The following WNK2 variants were observed in gnomAD, a reference collection of about 807,000 sequenced individuals.
WNK2 encodes the protein serine/threonine-protein kinase WNK2.
WNK2 carries 67 observed loss-of-function variants against 192.1 expected under a neutral mutation model. The observed-to-expected ratio is 0.35, with a 90% CI of 0.29 to 0.43. The LOEUF (loss-of-function observed/expected upper bound fraction) is 0.43. Ranked by LOEUF, WNK2 falls within the 20% of genes least tolerant of loss-of-function variation. The pLI, the probability that WNK2 is intolerant of heterozygous loss-of-function variation, is 1.00. For missense variants in WNK2, 2,698 were observed against 3,089.7 expected, an observed-to-expected ratio of 0.87 and a Z score of 3.01; for synonymous variants, 1,439 against 1,393.9, an observed-to-expected ratio of 1.03 and a Z score of -0.72.
chr9:93,263,887 C>G, intron 15 of WNK2, 30 bp from the exon 16 acceptor site: 2 of 1,574,016 alleles, frequency 1.3e-6, no homozygotes, highest in Non-Finnish European at 1.7e-6. Context: ...TGGGTACGCC[C>G]GTGGTGGGTG....
intron 16 of WNK2, among the ~76,000 whole-genome samples, chr9:93,267,465 G>C (rs1012953817): frequency 6.6e-6 from 1 of 152,192 alleles, no homozygotes; most frequent in Admixed American, 6.5e-5. Flanking sequence ...GGCTGGACCG[G>C]CCTCAGGGTC....
At chr9:93,232,642 C>T (rs902200642) in intron 4 of WNK2, among the ~76,000 whole-genome samples, 5 of 152,232 alleles carry the variant, frequency 3.3e-5, no homozygotes, top group African/African-American at 7.2e-5. Flanking sequence ...CAGAGCCCCT[C>T]GTCTTCCTCT....
intron 2 of WNK2, among the ~76,000 whole-genome samples, chr9:93,191,618 G>T (rs1830344982): frequency 6.6e-6 from 1 of 152,076 alleles, no homozygotes. Context: ...CACTGTCTAG[G>T]TGAGAGATTA....
At chr9:93,215,212 C>T (rs529497709) in intron 2 of WNK2, among the ~76,000 whole-genome samples, 2 of 152,258 alleles carry the variant, frequency 1.3e-5, no homozygotes, top group African/African-American at 4.8e-5. Context: ...AACTCTGCCT[C>T]CTGGGTTCAA....
At chr9:93,213,776 C>A (rs191817722) in intron 2 of WNK2, among the ~76,000 whole-genome samples, 9 of 152,062 alleles carry the variant, frequency 5.9e-5, no homozygotes, top group Admixed American at 1.3e-4. Flanking sequence ...GCAACAAGAG[C>A]AAAACTCCAT....
chr9:93,315,783 T>TTTG (rs1491516908), intron 28 of WNK2: 1 of 117,110 alleles, frequency 8.5e-6, no homozygotes, highest in African/African-American at 2.7e-5. Flanking sequence ...TGAAGACCCC[T>TTTG]TGTGTGTGTG....
In WNK2 at chr9:93,267,925, G is replaced by C; in HGVS notation, c.3867+9G>C. ...GCCTGGGCACCGGGGAGGTGAGGTT[G>C]TGAAATCCGGGGTGGGAGGTGGTGA... On this transcript the variant is annotated intron_variant, in intron 17 of 29. Transcript: ENST00000427277. 1 of 1,611,764 alleles carries C rather than the reference G, an allele frequency of 6.2e-7. No homozygotes were observed. Among genetic ancestry groups the C allele is most frequent in the Non-Finnish European group, 8.5e-7 (1 of 1,178,900 alleles).
chr9:93,205,088 C>T (rs1451626742), intron 2 of WNK2, among the ~76,000 whole-genome samples: 1 of 152,204 alleles, frequency 6.6e-6, no homozygotes, highest in Admixed American at 6.5e-5. Flanking sequence ...GTGTTAACGT[C>T]TGTGGGAGGT....
chr9:93,198,209 C>T lies in WNK2; in HGVS notation c.681+12599C>T, dbSNP rs564544105. Among the ~76,000 whole-genome samples, 15 of 152,310 alleles carry T rather than the reference C, an allele frequency of 9.8e-5. No individual in the cohort carries two copies. The South Asian group carries it at 1.5e-3, about 15-fold the overall frequency. ...CTCCGGTGGTTCTGGGCCTCAGGAT[C>T]GCCCAGCTCCCTCCTCCCTTTGGGT... On this transcript the variant is annotated intron_variant, in intron 2 of 29. Transcript: ENST00000427277.
intron 2 of WNK2, among the ~76,000 whole-genome samples, chr9:93,186,175 G>A (rs1184731850): frequency 6.6e-6 from 1 of 152,194 alleles, no homozygotes; most frequent in African/African-American, 2.4e-5. Flanking sequence ...GTGGTGCCTG[G>A]TAGAGCTCTG....
At chr9:93,318,484 C>T (rs774476176) in intron 29 of WNK2, 2 of 1,614,142 alleles carry the variant, frequency 1.2e-6, no homozygotes, top group Non-Finnish European at 1.7e-6. Flanking sequence ...AGTTGTTGCG[C>T]TGGGCCATGA....
At chr9:93,268,570 C>T in intron 18 of WNK2, 57 bp from the exon 19 acceptor site, 2 of 1,565,582 alleles carry the variant, frequency 1.3e-6, no homozygotes, top group Non-Finnish European at 1.7e-6. Context: ...ATGGGGGTCA[C>T]ACTGGCCTGG....
chr9:93,223,515 G>T (rs560467080), intron 2 of WNK2, among the ~76,000 whole-genome samples: 1 of 152,200 alleles, frequency 6.6e-6, no homozygotes. Context: ...TGTTGGCTGC[G>T]TTCCCATGGG....
chr9:93,302,546 A>ATTTTGTTTATATT (rs1306468667), intron 26 of WNK2, among the ~76,000 whole-genome samples: 1 of 152,094 alleles, frequency 6.6e-6, no homozygotes, highest in Non-Finnish European at 1.5e-5. Flanking sequence ...GGAAAACAAA[A>ATTTTGTTTATATT]TGTGTTAAAT....
At chr9:93,231,915 G>T (rs1588066579) in intron 4 of WNK2, among the ~76,000 whole-genome samples, 1 of 152,322 alleles carries the variant, frequency 6.6e-6, no homozygotes, top group Admixed American at 6.5e-5. Flanking sequence ...CCTGGGTGGG[G>T]GCCTCCACGG....
intron 23 of WNK2, 74 bp downstream of exon 23, chr9:93,293,247 TG>T: frequency 7.4e-7 from 1 of 1,357,336 alleles, no homozygotes; most frequent in Non-Finnish European, 9.5e-7. Context: ...GAGGGAACCC[TG>T]GTGCCGGGGC....
intron 1 of WNK2, 137 bp from the exon 2 acceptor site, chr9:93,184,791 G>C (rs1828972159): frequency 2.6e-6 from 2 of 765,880 alleles, no homozygotes; most frequent in Non-Finnish European, 3.5e-6. Flanking sequence ...AGGGCCCCCA[G>C]AGACGGCCCC....
rs1836891069 is a variant in WNK2 at position 93,221,583 on chromosome 9, A to C, written c.682-8113A>C. ...GCACAAGAGCTCCATCTGGCTCAGTAACGGAGGCACTTTCAACAAAATTAG... is the reference window on the plus strand; with the variant it reads ...GCACAAGAGCTCCATCTGGCTCAGTCACGGAGGCACTTTCAACAAAATTAG... On this transcript the variant is annotated intron_variant, in intron 2 of 29. Transcript: ENST00000427277. 2.0e-5 allele frequency among the ~76,000 whole-genome samples: 3 copies of C among 152,236 alleles called. No homozygotes were observed. The South Asian group carries it at 6.2e-4, about 31-fold the overall frequency.
chr9:93,229,931 A>G lies in WNK2; in HGVS notation c.854+63A>G, dbSNP rs7871272. The G allele has an allele frequency of 0.95, 1,495,848 of 1,566,806 alleles. 714,441 individuals carry two copies. The highest frequency in any genetic ancestry group is 0.99 in the African/African-American group (73,666 of 74,236). On this transcript the variant is annotated intron_variant, in intron 3 of 29. Coordinates refer to ENST00000427277, the MANE Select transcript of WNK2 (RefSeq NM_006648.4). The surrounding 1 kb of genome is among the most constrained non-coding windows in gnomAD (Gnocchi z 4.9). Reference sequence around the variant, plus strand: ...CATGGGTGCAGGGCTACCATAGCTGAGGGTGAGGTCTTGGGCTGCTGGGGT... The same window carrying G: ...CATGGGTGCAGGGCTACCATAGCTGGGGGTGAGGTCTTGGGCTGCTGGGGT...
Sources: gnomAD v4.1 joint callset for allele counts (sites outside exome capture counted in the v4.1 genomes callset) on GRCh38, gnomAD v4.1.1 for gene constraint, Gnocchi (gnomAD v3.1) non-coding constraint, MANE v1.5 for transcripts, NCBI Gene and HGNC (gene_info 2026-07-23, HGNC 2026-07-21) for gene names.